ABCB1: variants seen among roughly 807,000 people sequenced by gnomAD.
The protein encoded by ABCB1 is ATP binding cassette subfamily B member 1.
Under a neutral mutation model 142.0 loss-of-function variants are expected in ABCB1, and 69 were observed. The observed-to-expected ratio is 0.49, with a 90% CI of 0.40 to 0.59. The LOEUF is 0.59. ABCB1 is among the 20% of genes least tolerant of loss of function. ABCB1 has a pLI of 0.00. For synonymous variants in ABCB1, 532 were observed against 539.2 expected, an observed-to-expected ratio of 0.99 and a Z score of 0.18; for missense variants, 1,326 against 1,554.7, an observed-to-expected ratio of 0.85 and a Z score of 2.47.
chr7:87,686,496 A>G (rs942690803), intron 1 of ABCB1, among the ~76,000 whole-genome samples: 1 of 152,198 alleles, frequency 6.6e-6, no homozygotes, highest in African/African-American at 2.4e-5. Context: ...TTGATTATTT[A>G]TGGACTGACT....
chr7:87,541,064 C>A (rs535259110), intron 18 of ABCB1, among the ~76,000 whole-genome samples: 2 of 152,248 alleles, frequency 1.3e-5, no homozygotes, highest in African/African-American at 4.8e-5. Flanking sequence ...ATCCAGGGCT[C>A]CCCCACACCC....
chr7:87,515,485 A>G, intron 24 of ABCB1, 57 bp from the exon 25 acceptor site: 3 of 1,519,002 alleles, frequency 2.0e-6, no homozygotes, highest in South Asian at 1.1e-5. Flanking sequence ...AATAAAGTGT[A>G]TAGCTAACTC....
intron 21 of ABCB1, among the ~76,000 whole-genome samples, chr7:87,529,300 G>C (rs1368763919): frequency 6.6e-6 from 1 of 152,168 alleles, no homozygotes. Context: ...CAAGTATTTA[G>C]AGCTGTTAGA....
rs529608758 is a variant in ABCB1 at position 87,678,760 on chromosome 7, A to G, written c.-331+34401T>C. 9.0e-4 allele frequency among the ~76,000 whole-genome samples: 130 copies of G among 144,770 alleles called. 5 individuals are homozygous for G. The South Asian group carries it at 0.027, about 30-fold the overall frequency. The allele number at this position is 144,770 out of a possible 152,430, so 95.0% of individuals were successfully genotyped here. A position where few individuals can be genotyped will look rare whatever the true frequency, so the allele number is the denominator to read the frequency against. On this transcript the variant is annotated intron_variant, in intron 1 of 28. Transcript: ENST00000265724. Reference sequence around the variant, plus strand: ...AGTTATTCCATGCAGAAAGTAATTGAAAAAAAGTTGGAGTAGATTTAATTA... The same window carrying G: ...AGTTATTCCATGCAGAAAGTAATTGGAAAAAAGTTGGAGTAGATTTAATTA...
chr7:87,602,335 G>T (rs2130014290), upstream of ABCB1, among the ~76,000 whole-genome samples: 1 of 138,970 alleles, frequency 7.2e-6, no homozygotes, highest in East Asian at 2.1e-4. Flanking sequence ...TGTTAATTAG[G>T]CTTCTAACAG....
upstream of ABCB1, among the ~76,000 whole-genome samples, chr7:87,602,493 C>T (rs964584721): frequency 6.6e-6 from 1 of 151,914 alleles, no homozygotes; most frequent in African/African-American, 2.4e-5. Flanking sequence ...CTTATTTGTG[C>T]CTATGATCTC....
intron 1 of ABCB1, among the ~76,000 whole-genome samples, chr7:87,636,492 G>T (rs1303025163): frequency 6.6e-6 from 1 of 152,102 alleles, no homozygotes; most frequent in Non-Finnish European, 1.5e-5. Flanking sequence ...TACATGTAAT[G>T]CAAATGTCTT....
chr7:87,505,784 G>A, intron 27 of ABCB1, 113 bp downstream of exon 27: 10 of 1,273,652 alleles, frequency 7.9e-6, no homozygotes, highest in Non-Finnish European at 1.1e-5. Context: ...TTACTGAAAG[G>A]TGATGTAAGT....
intron 14 of ABCB1, among the ~76,000 whole-genome samples, chr7:87,548,380 TAAAG>T (rs914805500): frequency 8.1e-5 from 12 of 147,642 alleles, no homozygotes; most frequent in Non-Finnish European, 1.7e-4. Flanking sequence ...AGGAAGGAAA[TAAAG>T]AAAGAAAAAG....
intron 16 of ABCB1, 144 bp downstream of exon 16, chr7:87,544,679 T>C (rs1156607725): frequency 8.8e-6 from 7 of 792,984 alleles, no homozygotes; most frequent in East Asian, 7.5e-5. Context: ...TCTAACCTGA[T>C]TCTAAAATGT....
intron 8 of ABCB1, among the ~76,000 whole-genome samples, chr7:87,559,525 C>T (rs144717071): frequency 6.6e-6 from 1 of 151,930 alleles, no homozygotes; most frequent in African/African-American, 2.4e-5. Context: ...CACTCTTTTG[C>T]CTTTATTTTC....
chr7:87,520,659 C>T (rs760557323), intron 22 of ABCB1, 117 bp downstream of exon 22: 2 of 876,520 alleles, frequency 2.3e-6, no homozygotes, highest in Non-Finnish European at 3.8e-6. Flanking sequence ...CAATGGTTTA[C>T]CTTCGAGCAC....
At chr7:87,570,287 T>C in intron 4 of ABCB1, 64 bp from the exon 5 acceptor site, 2 of 1,427,252 alleles carry the variant, frequency 1.4e-6, no homozygotes, top group Admixed American at 3.4e-5. Context: ...AATAAACATG[T>C]AAAAATGAAT....
intron 5 of ABCB1, among the ~76,000 whole-genome samples, chr7:87,569,780 T>C (rs576944891): frequency 1.3e-5 from 2 of 152,254 alleles, no homozygotes; most frequent in African/African-American, 4.8e-5. Flanking sequence ...TTTGAACTCC[T>C]GGGCTCAAGC....
At chr7:87,712,664 C>T (rs1331585783) in intron 1 of ABCB1, among the ~76,000 whole-genome samples, 3 of 151,956 alleles carry the variant, frequency 2.0e-5, no homozygotes, top group African/African-American at 7.2e-5. Flanking sequence ...AAAGGAAATG[C>T]TTTCTGCCTT....
intron 1 of ABCB1, among the ~76,000 whole-genome samples, chr7:87,656,682 T>TA (rs533094728): frequency 5.3e-5 from 8 of 152,034 alleles, no homozygotes; most frequent in Non-Finnish European, 5.9e-5. Flanking sequence ...ATTGATAGTT[T>TA]AAAAAAAACC....
At chr7:87,530,953 AGAAG>A (rs1273664523) in intron 21 of ABCB1, among the ~76,000 whole-genome samples, 5 of 151,774 alleles carry the variant, frequency 3.3e-5, no homozygotes, top group Admixed American at 1.3e-4. Context: ...AAGGAAGGAA[AGAAG>A]GAAGGAAGGA....
intron 14 of ABCB1, among the ~76,000 whole-genome samples, chr7:87,547,598 G>A (rs573636590): frequency 1.4e-4 from 22 of 151,794 alleles, no homozygotes; most frequent in African/African-American, 2.2e-4. Flanking sequence ...GGCTGGGCAC[G>A]GTAGCTCACG....
At chr7:87,621,704 T>C (rs142478336) in intron 1 of ABCB1, among the ~76,000 whole-genome samples, 76 of 152,092 alleles carry the variant, frequency 5.0e-4, no homozygotes, top group South Asian at 4.4e-3. Context: ...GGTGAGAAAA[T>C]ATATTGACTG....
Sources: gnomAD v4.1 joint callset for allele counts (sites outside exome capture counted in the v4.1 genomes callset) on GRCh38, gnomAD v4.1.1 for gene constraint, MANE v1.5 for transcripts, NCBI Gene and HGNC (gene_info 2026-07-23, HGNC 2026-07-21) for gene names.